ZBTB20: variants seen among roughly 807,000 people sequenced by gnomAD.
The protein encoded by ZBTB20 is zinc finger and BTB domain-containing protein 20.
In ZBTB20, 9 loss-of-function variants were observed where a neutral mutation model predicts 56.9. The observed-to-expected ratio is 0.16, with a 90% CI of 0.10 to 0.28. The LOEUF is 0.28. Among genes scored for constraint, ZBTB20 ranks in the 10% least tolerant of loss-of-function variants. ZBTB20 has a pLI of 1.00. For missense variants in ZBTB20, 655 were observed against 1,003.0 expected (o/e 0.65, Z 4.69); for synonymous variants, 417 against 420.7 (o/e 0.99, Z 0.11).
chr3:115,012,033 T>C (rs2079738744), intron 2 of ZBTB20, among the ~76,000 whole-genome samples: 1 of 151,764 alleles, frequency 6.6e-6, no homozygotes, highest in Non-Finnish European at 1.5e-5. Context: ...GCAAGCTTTG[T>C]GGTAACTTAA....
At chr3:114,422,549 T>A (rs940766476) in intron 7 of ZBTB20, among the ~76,000 whole-genome samples, 1 of 152,200 alleles carries the variant, frequency 6.6e-6, no homozygotes, top group Non-Finnish European at 1.5e-5. Flanking sequence ...TGTAATTCCC[T>A]TTCTAGAAAT....
At chr3:114,392,182 T>C (rs543949289) in intron 7 of ZBTB20, among the ~76,000 whole-genome samples, 2 of 152,148 alleles carry the variant, frequency 1.3e-5, no homozygotes, top group South Asian at 4.2e-4. Context: ...GTACAAAAAA[T>C]AGAAAGAATG....
chr3:115,128,670 AAAAG>A (rs1439571024), intron 1 of ZBTB20, among the ~76,000 whole-genome samples: 2 of 146,516 alleles, frequency 1.4e-5, no homozygotes, highest in Non-Finnish European at 3.0e-5. Context: ...ACTCAAAAAA[AAAAG>A]AAAAGAAAAG....
At chr3:114,464,265 T>G (rs1047144589) in intron 7 of ZBTB20, among the ~76,000 whole-genome samples, 1 of 152,240 alleles carries the variant, frequency 6.6e-6, no homozygotes, top group Non-Finnish European at 1.5e-5. Flanking sequence ...ATTCTTAATT[T>G]TTTTAAAAAA....
chr3:114,530,965 T>C (rs1356021983), intron 6 of ZBTB20, among the ~76,000 whole-genome samples: 1 of 152,176 alleles, frequency 6.6e-6, no homozygotes, highest in Admixed American at 6.5e-5. Flanking sequence ...TGCTCTGAGT[T>C]TTTCTTTCTC....
At chr3:115,075,995 G>GA (rs563985921) in intron 1 of ZBTB20, among the ~76,000 whole-genome samples, 2 of 151,550 alleles carry the variant, frequency 1.3e-5, no homozygotes, top group Admixed American at 6.6e-5. Flanking sequence ...GGAACCATCT[G>GA]AAAAAAAATT....
At chr3:114,818,390 T>C (rs2073062660) in intron 4 of ZBTB20, among the ~76,000 whole-genome samples, 2 of 152,104 alleles carry the variant, frequency 1.3e-5, no homozygotes, top group Non-Finnish European at 2.9e-5. Flanking sequence ...GGAAAATCAA[T>C]TATGCTAAGT....
intron 6 of ZBTB20, among the ~76,000 whole-genome samples, chr3:114,583,138 A>G (rs1324956859): frequency 3.3e-5 from 5 of 152,224 alleles, no homozygotes; most frequent in African/African-American, 1.2e-4. Flanking sequence ...TACCTTTTCA[A>G]TGCTGCATTT....
chr3:114,805,207 TTAAC>T (rs1021466649), intron 4 of ZBTB20, among the ~76,000 whole-genome samples: 1 of 151,938 alleles, frequency 6.6e-6, no homozygotes, highest in African/African-American at 2.4e-5. Flanking sequence ...CACAATACTA[TTAAC>T]TAAACTACAG....
At chr3:115,086,622 A>G (rs546954918) in intron 1 of ZBTB20, among the ~76,000 whole-genome samples, 1 of 151,964 alleles carries the variant, frequency 6.6e-6, no homozygotes, top group East Asian at 1.9e-4. Flanking sequence ...ATTGGTTCAA[A>G]CTGCAATTCT....
rs551825454 is a variant in ZBTB20 at position 114,532,260 on chromosome 3, C to G, written c.-294-31869G>C. ...TGGCTTGAAATCCTTGCTGCCAGCA[C>G]GGCAGTCTGAAGTTGACCTGGGACC... is the stretch of plus-strand genomic sequence containing the variant. On this transcript the variant is annotated intron_variant, in intron 6 of 11. Transcript: ENST00000675478. Among the ~76,000 whole-genome samples, 7 of 152,260 alleles carry G rather than the reference C, an allele frequency of 4.6e-5. No individual in the cohort carries two copies. In the East Asian group the frequency reaches 1.4e-3, roughly 29 times the overall value.
chr3:114,350,176 G>T (rs2080541555), intron 11 of ZBTB20, 98 bp downstream of exon 11: 2 of 1,490,094 alleles, frequency 1.3e-6, no homozygotes, highest in South Asian at 2.7e-5. Flanking sequence ...AAATCTGAAA[G>T]ATGATCCCAA....
chr3:114,685,096 C>G (rs1032984893), intron 6 of ZBTB20, among the ~76,000 whole-genome samples: 2 of 152,114 alleles, frequency 1.3e-5, no homozygotes, highest in Non-Finnish European at 2.9e-5. Flanking sequence ...TTCCCATTTG[C>G]TCTCATTTCC....
chr3:115,090,056 T>G (rs1055982845), intron 1 of ZBTB20, among the ~76,000 whole-genome samples: 9 of 151,830 alleles, frequency 5.9e-5, no homozygotes, highest in African/African-American at 2.2e-4. Context: ...GTGTAGTTTT[T>G]GCAAAATATG....
chr3:114,396,199 C>G (rs1045251681), intron 7 of ZBTB20, among the ~76,000 whole-genome samples: 6 of 152,132 alleles, frequency 3.9e-5, no homozygotes, highest in African/African-American at 1.4e-4. Context: ...TATGACACAG[C>G]ATTTTATTTG....
chr3:115,140,595 A>AT (rs554018888), intron 1 of ZBTB20, among the ~76,000 whole-genome samples: 39 of 151,768 alleles, frequency 2.6e-4, no homozygotes, highest in Non-Finnish European at 3.1e-4. Flanking sequence ...TGTTTTGTAA[A>AT]TTGTTAGAGA....
intron 1 of ZBTB20, among the ~76,000 whole-genome samples, chr3:115,133,505 A>AC (rs921640130): frequency 6.6e-6 from 1 of 152,036 alleles, no homozygotes; most frequent in Admixed American, 6.6e-5. Flanking sequence ...CCAAAAGGAA[A>AC]CCCTATACCC....
At chr3:114,356,165 A>T (rs573827386) in intron 10 of ZBTB20, 2 of 152,320 alleles carry the variant, frequency 1.3e-5, no homozygotes, top group South Asian at 4.1e-4. Context: ...CACAACACAG[A>T]CGGGGCTAAA....
At chr3:115,090,385 T>A (rs1426132332) in intron 1 of ZBTB20, among the ~76,000 whole-genome samples, 1 of 151,868 alleles carries the variant, frequency 6.6e-6, no homozygotes, top group Non-Finnish European at 1.5e-5. Flanking sequence ...TATTTAAACT[T>A]TTTTCCCTCT....
Sources: allele counts gnomAD v4.1 joint callset (sites outside exome capture counted in the v4.1 genomes callset), GRCh38; gene constraint gnomAD v4.1.1; transcripts MANE v1.5; gene names NCBI Gene and HGNC (gene_info 2026-07-23, HGNC 2026-07-21).